ANKFN1: variants seen among roughly 807,000 people sequenced by gnomAD.
The protein encoded by ANKFN1 is ankyrin repeat and fibronectin type-III domain-containing protein 1.
Under a neutral mutation model 108.7 loss-of-function variants are expected in ANKFN1, and 74 were observed. The ratio of observed to expected loss-of-function variants is 0.68; its 90% confidence interval spans 0.56 to 0.83. ANKFN1 has a LOEUF of 0.83. Among genes scored for constraint, ANKFN1 ranks in the 40% least tolerant of loss-of-function variants. The probability of loss-of-function intolerance (pLI) is 0.00; values close to 1 mark genes in which losing one functional copy is unlikely to be tolerated. For synonymous variants in ANKFN1, 547 were observed against 516.2 expected, an observed-to-expected ratio of 1.06 and a Z score of -0.81; for missense variants, 1,505 against 1,382.3, an observed-to-expected ratio of 1.09 and a Z score of -1.41.
intron 6 of ANKFN1, chr17:56,368,297 T>TTTTTTTTTTTTTTTTTAA: frequency 2.0e-6 from 1 of 492,544 alleles, no homozygotes; most frequent in East Asian, 8.7e-5. Context: ...TTTTTTTTTT[T>TTTTTTTTTTTTTTTTTAA]GAGAAGGAGT....
intron 4 of ANKFN1, among the ~76,000 whole-genome samples, chr17:56,336,330 T>C (rs1051872840): frequency 2.0e-5 from 3 of 152,172 alleles, no homozygotes; most frequent in African/African-American, 7.2e-5. Flanking sequence ...AGAATTCGGC[T>C]GGGAATCCAT....
chr17:56,232,605 GC>G (rs1916824520), intron 3 of ANKFN1, among the ~76,000 whole-genome samples: 1 of 152,114 alleles, frequency 6.6e-6, no homozygotes, highest in Non-Finnish European at 1.5e-5. Flanking sequence ...AGTTTGATCT[GC>G]CTCTTGGCTT....
chr17:56,300,648 A>G (rs1327648765), intron 3 of ANKFN1, among the ~76,000 whole-genome samples: 1 of 149,740 alleles, frequency 6.7e-6, no homozygotes, highest in Non-Finnish European at 1.5e-5. Flanking sequence ...GTCAGTAGTG[A>G]TGGGTCAGAC....
Position 56,477,619 on chromosome 17 carries a change from C to T in ANKFN1, c.1905C>T (p.Cys635=), listed in dbSNP as rs1416826784. 1.2e-6 allele frequency: 2 copies of T among 1,613,620 alleles called. No homozygotes were observed. Among genetic ancestry groups the T allele is most frequent in the Non-Finnish European group, 1.7e-6 (2 of 1,179,826 alleles). The change falls in exon 16 of 21, where the codon TGC becomes TGT. Residue 635 remains cysteine, a synonymous_variant. Coordinates refer to ENST00000682825, the MANE Select transcript of ANKFN1 (RefSeq NM_001370326.1). Reference sequence around the variant, plus strand: ...CCCAAAAGTTGCCCAACATTCTCTGCCACGTGAAGATCCGTGAAAACAATA... The same window carrying T: ...CCCAAAAGTTGCCCAACATTCTCTGTCACGTGAAGATCCGTGAAAACAATA... ...LVTQKLPNIL[C]HVKIRENNNI...
At chr17:56,477,680 C>T (rs2050553404) in intron 16 of ANKFN1, 26 bp downstream of exon 16, 1 of 1,606,544 alleles carries the variant, frequency 6.2e-7, no homozygotes, top group African/African-American at 1.3e-5. Flanking sequence ...TTAAGATTTT[C>T]CTTGTGATGA....
chr17:56,268,173 G>A (rs1180853333), intron 3 of ANKFN1, among the ~76,000 whole-genome samples: 14 of 151,884 alleles, frequency 9.2e-5, no homozygotes, highest in South Asian at 6.2e-4. Flanking sequence ...CTCACCACAC[G>A]CTTGGCCATA....
Position 56,372,821 on chromosome 17 carries a change from A to G in ANKFN1, c.777A>G (p.Lys259=). ...GGTATCGGCTCTACAGACGCATGAA[A>G]ACAGGCTTTGAGCATGCCAGTGAGT... The part of the protein sequence containing the change: ...EWRYRLYRRM[K]TGFEHARAPE... The change falls in exon 7 of 21, where the codon AAA becomes AAG. Residue 259 remains lysine, a synonymous_variant. Coordinates refer to ENST00000682825, the MANE Select transcript of ANKFN1 (RefSeq NM_001370326.1). 6.2e-7 allele frequency: 1 copy of G among 1,613,614 alleles called. No individual in the cohort carries two copies. The highest frequency in any genetic ancestry group is 2.2e-5 in the East Asian group (1 of 44,878).
intron 20 of ANKFN1, among the ~76,000 whole-genome samples, chr17:56,503,581 A>G (rs1168515900): frequency 7.0e-6 from 1 of 143,752 alleles, no homozygotes; most frequent in Non-Finnish European, 1.5e-5. Flanking sequence ...AATATGGATT[A>G]TTATTCTTTT....
chr17:56,058,798 T>C (rs1242506218), intron 4 of ANKFN1, among the ~76,000 whole-genome samples: 1 of 152,232 alleles, frequency 6.6e-6, no homozygotes, highest in East Asian at 1.9e-4. Flanking sequence ...TATTCCATGG[T>C]GTATATGTAC....
At chr17:56,476,585 A>G (rs536628452) in intron 15 of ANKFN1, among the ~76,000 whole-genome samples, 1 of 152,258 alleles carries the variant, frequency 6.6e-6, no homozygotes, top group Admixed American at 6.5e-5. Context: ...AGTGAAGCTG[A>G]TGATGTAGAG....
intron 5 of ANKFN1, among the ~76,000 whole-genome samples, 153 bp downstream of exon 5, chr17:56,351,120 A>G (rs978745513): frequency 1.3e-5 from 2 of 152,144 alleles, no homozygotes; most frequent in African/African-American, 4.8e-5. Flanking sequence ...GTAACTGTAC[A>G]TATTTATGTT....
intron 2 of ANKFN1, among the ~76,000 whole-genome samples, chr17:56,223,954 C>T (rs1235000569): frequency 3.9e-5 from 6 of 152,336 alleles, no homozygotes; most frequent in East Asian, 1.9e-4. Context: ...TTCTATTTTA[C>T]AGTTGAAGGC....
At chr17:56,400,085 C>T (rs1037645528) in intron 8 of ANKFN1, among the ~76,000 whole-genome samples, 11 of 151,874 alleles carry the variant, frequency 7.2e-5, no homozygotes, top group South Asian at 4.2e-4. Flanking sequence ...ACTTCTTTTC[C>T]TCTGGGTGGA....
intron 1 of ANKFN1, among the ~76,000 whole-genome samples, chr17:56,184,050 A>C (rs1363152727): frequency 1.3e-5 from 2 of 152,212 alleles, no homozygotes; most frequent in African/African-American, 2.4e-5. Context: ...TGAAGTGACA[A>C]TAAAGGATTT....
chr17:56,489,467 AAAC>A (rs1033479973), intron 18 of ANKFN1, among the ~76,000 whole-genome samples: 4 of 148,162 alleles, frequency 2.7e-5, no homozygotes, highest in African/African-American at 1.1e-4. Flanking sequence ...AAAAAAAAAA[AAAC>A]CACAAGAGCG....
chr17:56,114,937 T>C (rs959519732), intron 4 of ANKFN1, among the ~76,000 whole-genome samples: 11 of 152,024 alleles, frequency 7.2e-5, no homozygotes, highest in African/African-American at 2.7e-4. Context: ...GGCCAAAGAG[T>C]ATGCACAGCC....
At chr17:56,271,351 C>T (rs1355436763) in intron 3 of ANKFN1, among the ~76,000 whole-genome samples, 2 of 152,106 alleles carry the variant, frequency 1.3e-5, no homozygotes, top group Non-Finnish European at 2.9e-5. Flanking sequence ...AGCTCCAGGT[C>T]GGGGACCATT....
At chr17:56,311,514 A>AT (rs900087867) in intron 3 of ANKFN1, among the ~76,000 whole-genome samples, 13 of 152,162 alleles carry the variant, frequency 8.5e-5, no homozygotes, top group African/African-American at 2.2e-4. Flanking sequence ...AATGTATGTC[A>AT]TTTTTTTTAC....
chr17:56,050,510 G>A (rs1340240946), intron 4 of ANKFN1, among the ~76,000 whole-genome samples: 2 of 142,832 alleles, frequency 1.4e-5, no homozygotes, highest in Non-Finnish European at 3.0e-5. Context: ...TTCTTCTAGG[G>A]TTTTTATGGT....
Sources: gnomAD v4.1 joint callset for allele counts (sites outside exome capture counted in the v4.1 genomes callset) on GRCh38, gnomAD v4.1.1 for gene constraint, MANE v1.5 for transcripts, NCBI Gene and HGNC (gene_info 2026-07-23, HGNC 2026-07-21) for gene names.